The following LRRTM4 variants were observed in gnomAD, a reference collection of about 807,000 sequenced individuals.
The protein encoded by LRRTM4 is leucine rich repeat transmembrane neuronal 4.
In LRRTM4, 25 loss-of-function variants were observed where a neutral mutation model predicts 47.6. That is an observed-to-expected ratio of 0.53 (90% CI 0.38 to 0.73). The LOEUF (loss-of-function observed/expected upper bound fraction) is 0.73, where lower values mean the gene tolerates loss of function less well. Among genes scored for constraint, LRRTM4 ranks in the 30% least tolerant of loss-of-function variants. LRRTM4 has a pLI of 0.00. For synonymous variants in LRRTM4, 311 were observed against 269.5 expected (o/e 1.15, Z -1.51); for missense variants, 638 against 713.4 (o/e 0.89, Z 1.20).
At chr2:76,869,532 A>C (rs1337167046) in intron 3 of LRRTM4, among the ~76,000 whole-genome samples, 1 of 152,076 alleles carries the variant, frequency 6.6e-6, no homozygotes, top group Non-Finnish European at 1.5e-5. Context: ...AATGAATGGA[A>C]GGTGGGAAAG....
chr2:77,158,032 T>C (rs566294146), intron 3 of LRRTM4, among the ~76,000 whole-genome samples: 13 of 152,294 alleles, frequency 8.5e-5, no homozygotes, highest in African/African-American at 2.9e-4. Context: ...TGATTGTGTC[T>C]AGGAATGTGT....
At chr2:77,083,119 T>C (rs1680584869) in intron 3 of LRRTM4, among the ~76,000 whole-genome samples, 1 of 152,234 alleles carries the variant, frequency 6.6e-6, no homozygotes, top group Non-Finnish European at 1.5e-5. Flanking sequence ...TTCATTATTA[T>C]TTTTATGAGC....
chr2:77,374,991 G>A (rs1672780635), intron 3 of LRRTM4, among the ~76,000 whole-genome samples: 1 of 151,510 alleles, frequency 6.6e-6, no homozygotes. Context: ...AGTCTTCTAA[G>A]CTTTCTACCT....
At chr2:77,331,644 C>T (rs1318194280) in intron 3 of LRRTM4, among the ~76,000 whole-genome samples, 3 of 152,172 alleles carry the variant, frequency 2.0e-5, no homozygotes, top group Non-Finnish European at 4.4e-5. Flanking sequence ...TGTTTCAAAA[C>T]CTCCTATGTT....
chr2:77,347,943 A>G (rs564313969), intron 3 of LRRTM4, among the ~76,000 whole-genome samples: 4 of 152,130 alleles, frequency 2.6e-5, no homozygotes, highest in Admixed American at 6.6e-5. Flanking sequence ...GTCATATTAC[A>G]TAATTGGGTG....
chr2:77,105,244 T>C (rs1366178410), intron 3 of LRRTM4, among the ~76,000 whole-genome samples: 8 of 151,976 alleles, frequency 5.3e-5, no homozygotes, highest in Non-Finnish European at 8.8e-5. Flanking sequence ...GTCTGGAGAT[T>C]TGTGGATTTA....
At chr2:76,777,621 C>G (rs1371381386) in intron 3 of LRRTM4, among the ~76,000 whole-genome samples, 2 of 150,010 alleles carry the variant, frequency 1.3e-5, no homozygotes, top group African/African-American at 4.9e-5. Flanking sequence ...TATCCTGAGA[C>G]TTTGCTGAAG....
intron 3 of LRRTM4, among the ~76,000 whole-genome samples, chr2:77,189,484 T>C (rs1190540462): frequency 6.6e-6 from 1 of 152,136 alleles, no homozygotes; most frequent in African/African-American, 2.4e-5. Context: ...AATTAAGTCA[T>C]AAGGATGGAG....
intron 2 of LRRTM4, among the ~76,000 whole-genome samples, chr2:77,520,293 T>C (rs1472841762): frequency 6.6e-6 from 1 of 152,034 alleles, no homozygotes; most frequent in Non-Finnish European, 1.5e-5. Flanking sequence ...CTGTACGTGT[T>C]TCCCAGTTGA....
At chr2:76,801,313 A>G (rs1437734034) in intron 3 of LRRTM4, among the ~76,000 whole-genome samples, 1 of 152,074 alleles carries the variant, frequency 6.6e-6, no homozygotes, top group Non-Finnish European at 1.5e-5. Context: ...GCACATATAC[A>G]CCATGGAATA....
intron 3 of LRRTM4, among the ~76,000 whole-genome samples, chr2:77,474,268 A>AT (rs1415091278): frequency 4.7e-4 from 72 of 152,256 alleles, no homozygotes; most frequent in African/African-American, 1.7e-3. Flanking sequence ...AATGGCTGAT[A>AT]GAAAAAAACA....
At chr2:77,425,666 C>T in intron 3 of LRRTM4, among the ~76,000 whole-genome samples, 1 of 152,168 alleles carries the variant, frequency 6.6e-6, no homozygotes, top group Non-Finnish European at 1.5e-5. Flanking sequence ...AAGGCCAGAT[C>T]TTACTTTTAG....
rs919051088 is a variant in LRRTM4, at chr2:76,992,703, A to G, written c.1552-243787T>C. The stretch of plus-strand genomic sequence containing the variant: ...TCATTAAGATGGCTATACTGCCCAA[A>G]ACAACCTGTAGATTCAATGCTATTC... On this transcript the variant is annotated intron_variant, in intron 3 of 3. Transcript: ENST00000409884. 6.6e-5 allele frequency among the ~76,000 whole-genome samples: 10 copies of G among 151,716 alleles called. No homozygotes were observed. In the Admixed American group the frequency reaches 6.6e-4, roughly 10 times the overall value.
intron 3 of LRRTM4, among the ~76,000 whole-genome samples, chr2:76,883,658 T>G (rs1672992471): frequency 6.6e-6 from 1 of 152,112 alleles, no homozygotes; most frequent in Non-Finnish European, 1.5e-5. Context: ...ACCCCCACTG[T>G]TTCTCGCAAA....
intron 3 of LRRTM4, among the ~76,000 whole-genome samples, chr2:76,905,318 A>G (rs1008750230): frequency 1.3e-5 from 2 of 152,206 alleles, no homozygotes; most frequent in South Asian, 4.1e-4. Flanking sequence ...ACTAACAAAC[A>G]GAAAGGACAT....
At chr2:77,283,898 C>T (rs1004752990) in intron 3 of LRRTM4, among the ~76,000 whole-genome samples, 1 of 151,874 alleles carries the variant, frequency 6.6e-6, no homozygotes, top group Non-Finnish European at 1.5e-5. Context: ...GTGATGGGGT[C>T]ATTTGTGCCC....
At chr2:77,504,390 A>G (rs1678688872) in intron 3 of LRRTM4, among the ~76,000 whole-genome samples, 1 of 151,622 alleles carries the variant, frequency 6.6e-6, no homozygotes, top group Non-Finnish European at 1.5e-5. Flanking sequence ...CAGATAAAAG[A>G]AATAATTTGA....
At chr2:77,356,977 C>T (rs896199367) in intron 3 of LRRTM4, among the ~76,000 whole-genome samples, 16 of 151,882 alleles carry the variant, frequency 1.1e-4, no homozygotes, top group African/African-American at 3.9e-4. Flanking sequence ...TTCACTATAC[C>T]TTCCTCTTCT....
At chr2:77,444,950 T>TAC (rs61072638) in intron 3 of LRRTM4, among the ~76,000 whole-genome samples, 44 of 110,476 alleles carry the variant, frequency 4.0e-4, no homozygotes, top group East Asian at 3.1e-3. Flanking sequence ...CACACACACA[T>TAC]ACACACACAC....
Sources: allele counts gnomAD v4.1 joint callset (sites outside exome capture counted in the v4.1 genomes callset), GRCh38; gene constraint gnomAD v4.1.1; transcripts MANE v1.5; gene names NCBI Gene and HGNC (gene_info 2026-07-23, HGNC 2026-07-21).